The following KRTAP5-5 variants were observed in gnomAD, a reference collection of about 807,000 sequenced individuals.
The protein encoded by KRTAP5-5 is keratin-associated protein 5-5.
A neutral mutation model predicts 2.8 loss-of-function variants in KRTAP5-5; 1 was observed. The ratio of observed to expected loss-of-function variants is 0.35; its 90% CI spans 0.13 to 1.67. The LOEUF is 1.67. KRTAP5-5 is among the 40% of genes most tolerant of loss of function. The pLI, the probability that KRTAP5-5 is intolerant of heterozygous loss-of-function variation, is 0.35. For missense variants in KRTAP5-5, 134 were observed against 270.9 expected, an observed-to-expected ratio of 0.49 and a Z score of 3.55; for synonymous variants, 83 against 110.6, an observed-to-expected ratio of 0.75 and a Z score of 1.57.
downstream of KRTAP5-5, chr11:1,630,778 C>T (rs919193207): frequency 1.2e-4 from 78 of 677,378 alleles, 2 homozygotes; most frequent in South Asian, 8.9e-4. Context: ...AGATCCAAAG[C>T]GGCCCACTGA....
At chr11:1,630,830 C>T (rs1160755059), downstream of KRTAP5-5, 1 of 587,408 alleles carries the variant, frequency 1.7e-6, no homozygotes, top group Non-Finnish European at 3.1e-6. Context: ...CTGACAGCTG[C>T]TCCTTCTTTC....
At chr11:1,630,097 A>G (rs777243096) in exon 1 of KRTAP5-5, 47 of 1,597,094 alleles carry the variant, frequency 2.9e-5, no homozygotes, top group Non-Finnish European at 3.7e-5. Context: ...AGCTGTGGCA[A>G]AGGGGGCTGT....
exon 1 of KRTAP5-5, chr11:1,630,701 A>G (rs2133537440): frequency 9.4e-7 from 1 of 1,069,062 alleles, no homozygotes; most frequent in Non-Finnish European, 1.4e-6. Context: ...AAACTGACTG[A>G]GGACCCCTTC....
At chr11:1,629,905 G>A in exon 1 of KRTAP5-5, 1 of 1,609,068 alleles carries the variant, frequency 6.2e-7, no homozygotes, top group Non-Finnish European at 8.5e-7. Context: ...TCCGGCTGTG[G>A]GGGCTGTGGC....
chr11:1,630,221 GGGCTGTGGCTCCTGTGGGGGGTCC>G lies in KRTAP5-5; in HGVS notation c.382_405del (p.Gly128_Ser135del), dbSNP rs761281204. 7.5e-4 allele frequency: 254 copies of G among 336,978 alleles called. 2 individuals carry two copies. In the African/African-American group the frequency reaches 0.011, roughly 15 times the overall value. 20.9% of individuals were successfully genotyped at this position (336,978 alleles called of 1,614,324 possible). Reference sequence around the variant, plus strand: ...GTGGCTCCTGTGGGGGGTCCAAGGGGGGCTGTGGCTCCTGTGGGGGGTCCAAGGGGGGCTGTGGCTCCTGTGGGG... The same window carrying G: ...GTGGCTCCTGTGGGGGGTCCAAGGGGAAGGGGGGCTGTGGCTCCTGTGGGG... On this transcript the variant is annotated inframe_deletion, in exon 1 of 1. Transcript: ENST00000399676.
chr11:1,630,022 G>A (rs1394652871), exon 1 of KRTAP5-5: 1 of 1,608,814 alleles, frequency 6.2e-7, no homozygotes, highest in Non-Finnish European at 8.5e-7. Context: ...TGTGGCTCCG[G>A]CTGCTGTGTG....
downstream of KRTAP5-5, chr11:1,630,739 A>G: frequency 5.1e-6 from 4 of 784,314 alleles, no homozygotes; most frequent in African/African-American, 1.7e-5. Flanking sequence ...CTTCTCCTGA[A>G]CTTCCTCTCC....
exon 1 of KRTAP5-5, chr11:1,630,641 GTC>G: frequency 6.5e-7 from 1 of 1,542,066 alleles, no homozygotes; most frequent in Non-Finnish European, 8.9e-7. Context: ...GTGCTCCACT[GTC>G]TCCACTGTGT....
rs773713003 is a variant in KRTAP5-5 at position 1,630,001 on chromosome 11, G to A, written c.161G>A (p.Gly54Asp). 2.2e-5 allele frequency: 33 copies of A among 1,507,234 alleles called. No individual in the cohort carries two copies. The East Asian group carries it at 7.4e-4, about 34-fold the overall frequency. 93.4% of individuals were successfully genotyped at this position (1,507,234 alleles called of 1,614,324 possible). Residue 54 changes from glycine to aspartate, a missense_variant, in exon 1 of 1, where the codon GGC becomes GAC. Gly to Asp is a moderately conservative substitution (Grantham distance 94). Transcript: ENST00000399676. Reference sequence around the variant, plus strand: ...GGGGGCTGTGGCTCCGGCTGTGCGGGCTGTGGGGGATGTGGCTCCGGCTGC... The same window carrying A: ...GGGGGCTGTGGCTCCGGCTGTGCGGACTGTGGGGGATGTGGCTCCGGCTGC...
exon 1 of KRTAP5-5, chr11:1,630,288 G>A (rs535632539): frequency 6.2e-7 from 1 of 1,610,362 alleles, no homozygotes; most frequent in South Asian, 1.1e-5. Context: ...GGGGGGCTGT[G>A]GTTCTTATGG....
exon 1 of KRTAP5-5, chr11:1,630,616 G>A (rs2133537301): frequency 1.2e-6 from 2 of 1,600,350 alleles, no homozygotes; most frequent in Non-Finnish European, 8.5e-7. Flanking sequence ...CAGCTTCCTT[G>A]CCCTGGGTTC....
In KRTAP5-5 at chr11:1,630,423, C is replaced by T. The variant is rs772157333; in HGVS notation, c.583C>T (p.Gln195Ter). Reference sequence around the variant, plus strand: ...CAGCTGCTGTAAGCCCTACTGCTGCCAGTCCAGCTGCTGTAAGCCCTGTAG... The same window carrying T: ...CAGCTGCTGTAAGCCCTACTGCTGCTAGTCCAGCTGCTGTAAGCCCTGTAG... Residue 195 changes from glutamine (Q) to a stop codon, truncating the protein, a stop_gained, in exon 1 of 1, where the codon CAG becomes TAG. Transcript: ENST00000399676. LOFTEE classifies it low-confidence loss of function (END_TRUNC). 3 of 1,276,212 alleles carry T rather than the reference C, an allele frequency of 2.4e-6. No homozygotes were observed. Among genetic ancestry groups the T allele is most frequent in the Non-Finnish European group, 3.0e-6 (3 of 984,032 alleles). 79.1% of individuals were successfully genotyped at this position (1,276,212 alleles called of 1,614,324 possible).
At chr11:1,629,850 T>A in exon 1 of KRTAP5-5, 1 of 1,425,518 alleles carries the variant, frequency 7.0e-7, no homozygotes. Flanking sequence ...CATGGGCTGC[T>A]GTGGCTGCTC....
At chr11:1,630,059 C>T (rs768431872) in exon 1 of KRTAP5-5, 1 of 1,611,724 alleles carries the variant, frequency 6.2e-7, no homozygotes, top group Non-Finnish European at 8.5e-7. Flanking sequence ...AGCCCATGTG[C>T]TGCTGTGTGC....
chr11:1,630,869 G>T (rs1001872812), downstream of KRTAP5-5, among the ~76,000 whole-genome samples: 28 of 152,080 alleles, frequency 1.8e-4, no homozygotes, highest in Admixed American at 1.5e-3. Context: ...CAATCTCTCT[G>T]GCTGTCTGTA....
chr11:1,630,133 G>T (rs750436776), exon 1 of KRTAP5-5: 1 of 1,609,662 alleles, frequency 6.2e-7, no homozygotes, highest in African/African-American at 1.4e-5. Flanking sequence ...TCCAAGAGAG[G>T]CTGTGTCTCC....
Position 1,629,775 on chromosome 11 carries a change from G to C in KRTAP5-5, c.-66G>C, listed in dbSNP as rs560926474. ...GGATATAAAGAGCCCGGGCTCAGGG[G>C]GCTCCACACCTGCACCTCCCTCTCA... On this transcript the variant is annotated 5_prime_UTR_variant, in exon 1 of 1. Coordinates refer to ENST00000399676, the Ensembl canonical transcript of KRTAP5-5. 4.3e-6 allele frequency: 7 copies of C among 1,610,234 alleles called. No homozygotes were observed. The Admixed American group carries it at 6.7e-5, about 15-fold the overall frequency.
downstream of KRTAP5-5, chr11:1,630,744 C>G (rs910633792): frequency 5.3e-6 from 4 of 757,922 alleles, no homozygotes; most frequent in African/African-American, 3.5e-5. Context: ...CCTGAACTTC[C>G]TCTCCCTGCT....
rs765288570 is a variant in KRTAP5-5, at chr11:1,630,455, C to T, written c.615C>T (p.Phe205=). The change falls in exon 1 of 1, where the codon TTC becomes TTT. Residue 205 remains phenylalanine (F), a synonymous_variant. Transcript: ENST00000399676. ...GCTGCTGTAAGCCCTGTAGCTGCTTCTCAGGCTGTGGATCATCCTGCTGCC... is the reference window on the plus strand; with the variant it reads ...GCTGCTGTAAGCCCTGTAGCTGCTTTTCAGGCTGTGGATCATCCTGCTGCC... 1.0e-5 allele frequency: 16 copies of T among 1,590,868 alleles called. No homozygotes were observed. The African/African-American group carries it at 2.2e-4, about 22-fold the overall frequency.
Sources: gnomAD v4.1 joint callset for allele counts (sites outside exome capture counted in the v4.1 genomes callset) on GRCh38, gnomAD v4.1.1 for gene constraint, MANE v1.5 for transcripts, NCBI Gene and HGNC (gene_info 2026-07-23, HGNC 2026-07-21) for gene names.